The following KMT2A variants were observed in gnomAD, a reference collection of about 807,000 sequenced individuals.
KMT2A encodes the protein lysine methyltransferase 2A.
A neutral mutation model predicts 345.3 loss-of-function variants in KMT2A; 16 were observed. The observed-to-expected ratio is 0.05, with a 90% confidence interval of 0.03 to 0.07. The LOEUF is 0.07. KMT2A is among the 10% of genes least tolerant of loss of function. KMT2A has a pLI of 1.00. For synonymous variants in KMT2A, 1,599 were observed against 1,778.6 expected (o/e 0.90, Z 2.54); for missense variants, 3,272 against 4,841.6 (o/e 0.68, Z 9.62).
intron 7 of KMT2A, 123 bp from the exon 8 acceptor site, chr11:118,482,299 G>T (rs959542549): frequency 1.4e-4 from 121 of 882,798 alleles, no homozygotes; most frequent in Non-Finnish European, 1.8e-4. Context: ...TTAATTTCCT[G>T]TTCGAAGCCT....
intron 28 of KMT2A, 41 bp from the exon 29 acceptor site, chr11:118,509,095 G>T (rs1281551517): frequency 6.4e-7 from 1 of 1,567,066 alleles, no homozygotes; most frequent in African/African-American, 1.4e-5. Flanking sequence ...TTGAATTGAA[G>T]AACTAGCTGA....
chr11:118,522,320 C>T lies in KMT2A; in HGVS notation c.*148C>T. On this transcript the variant is annotated 3_prime_UTR_variant, in exon 36 of 36. Coordinates refer to ENST00000534358, the MANE Select transcript of KMT2A (RefSeq NM_001197104.2). The surrounding 1 kb of genome is among the most constrained non-coding windows in gnomAD (Gnocchi z 5.4). ...TGGCTGAGCTCTCTTATGTCCTATA[C>T]TCACATCAGACATGTGATCATAGTC... 1 of 683,998 alleles carries T rather than the reference C, an allele frequency of 1.5e-6. No homozygotes were observed. The highest frequency in any genetic ancestry group is 1.9e-5 in the South Asian group (1 of 52,848). The allele number at this position is 683,998 out of a possible 1,614,324, so 42.4% of individuals were successfully genotyped here.
At chr11:118,519,352 C>T in intron 31 of KMT2A, 1 of 378,580 alleles carries the variant, frequency 2.6e-6, no homozygotes, top group Non-Finnish European at 4.9e-6. Context: ...TAGCATATAG[C>T]ATTTCTGTGT....
intron 32 of KMT2A, 42 bp downstream of exon 32, chr11:118,519,834 T>A (rs1555052919): frequency 6.3e-7 from 1 of 1,598,360 alleles, no homozygotes; most frequent in Non-Finnish European, 8.6e-7. Context: ...GGGTCTCGAT[T>A]TTCTTATCTC....
Position 118,522,145 on chromosome 11 carries a change from C to T in KMT2A, c.11892C>T (p.Ala3964=), listed in dbSNP as rs1555053776. ...ACAAGCTGCCCTGCAACTGTGGCGCCAAGAAATGCCGGAAGTTCCTAAACT... is the reference window on the plus strand; with the variant it reads ...ACAAGCTGCCCTGCAACTGTGGCGCTAAGAAATGCCGGAAGTTCCTAAACT... ...ASNKLPCNCG[A]KKCRKFLN Residue 3964 remains alanine (A), a synonymous_variant, in exon 36 of 36, where the codon GCC becomes GCT. Transcript: ENST00000534358. This position sits in a 1 kb window ranked among gnomAD's most constrained non-coding sequence, Gnocchi z 5.4. 6.2e-7 allele frequency: 1 copy of T among 1,614,100 alleles called. No homozygotes were observed. The highest frequency in any genetic ancestry group is 2.2e-5 in the East Asian group (1 of 44,882).
intron 1 of KMT2A, among the ~76,000 whole-genome samples, chr11:118,452,063 C>T (rs747019062): frequency 2.8e-4 from 43 of 152,068 alleles, no homozygotes; most frequent in Non-Finnish European, 5.7e-4. Context: ...CGAGGTCTCA[C>T]TATGTTACCT....
At chr11:118,501,262 A>G in intron 25 of KMT2A, 115 bp downstream of exon 25, 2 of 909,098 alleles carry the variant, frequency 2.2e-6, no homozygotes, top group Non-Finnish European at 3.4e-6. Flanking sequence ...GTTCAAGAAC[A>G]GCCTGGCCAA....
chr11:118,447,177 T>TA (rs1311585383), intron 1 of KMT2A, among the ~76,000 whole-genome samples: 2 of 152,222 alleles, frequency 1.3e-5, no homozygotes, highest in African/African-American at 4.8e-5. Flanking sequence ...ATGTTATCCT[T>TA]AAAAAATTTA....
rs782784769 is a variant in KMT2A at position 118,480,153 on chromosome 11, G to A, written c.3570-21G>A. 3 of 1,595,248 alleles carry A rather than the reference G, an allele frequency of 1.9e-6. No individual in the cohort carries two copies. In the East Asian group the frequency reaches 6.7e-5, roughly 36 times the overall value. The stretch of plus-strand genomic sequence containing the variant: ...TCTTCTAAATTTAATTTGTTTCATG[G>A]TTTATTCGTTGTTTTCCTAGGATGA... On this transcript the variant is annotated intron_variant, in intron 5 of 35. Transcript: ENST00000534358.
Position 118,474,122 on chromosome 11 carries a change from C to T in KMT2A, c.2963C>T (p.Thr988Ile). 6.2e-7 allele frequency: 1 copy of T among 1,614,192 alleles called. No homozygotes were observed. Among genetic ancestry groups the T allele is most frequent in the South Asian group, 1.1e-5 (1 of 91,088 alleles). Residue 988 changes from threonine to isoleucine, a missense_variant, in exon 3 of 36, where the codon ACC (threonine) becomes ATC (isoleucine). Thr to Ile is a moderately conservative substitution (Grantham distance 89). Transcript: ENST00000534358. ...PTAPSLEKEKTLCLSTPSSST... is the reference protein window; with the variant it reads ...PTAPSLEKEKILCLSTPSSST... ...GCCCCATCCCTGGAGAAGGAGAAAA[C>T]CCTCTGCCTTTCCACTCCTTCATCT... is the stretch of plus-strand genomic sequence containing the variant.
At position 118,526,774 on chromosome 11, in the gene KMT2A, G is replaced by A; in HGVS notation, c.*4602G>A. On this transcript the variant is annotated 3_prime_UTR_variant, in exon 36 of 36. Coordinates refer to ENST00000534358, the MANE Select transcript of KMT2A (RefSeq NM_001197104.2). ...GTTTTTAAACATGTTTATTTTCTAT[G>A]CACTTTTTTTTATTTAAGTGATAGT... The A allele has an allele frequency of 4.4e-6, 1 of 225,696 alleles. No individual in the cohort carries two copies. The highest frequency in any genetic ancestry group is 6.5e-5 in the East Asian group (1 of 15,300). 14.0% of individuals were successfully genotyped at this position (225,696 alleles called of 1,614,324 possible).
At chr11:118,463,129 T>A (rs1388856525) in intron 1 of KMT2A, among the ~76,000 whole-genome samples, 5 of 152,170 alleles carry the variant, frequency 3.3e-5, no homozygotes, top group South Asian at 2.1e-4. Context: ...TCTTTATTTT[T>A]TTTTTTTAAA....
chr11:118,491,979 C>A lies in KMT2A; in HGVS notation c.5004+51C>A. On this transcript the variant is annotated intron_variant, in intron 15 of 35. Coordinates refer to ENST00000534358, the MANE Select transcript of KMT2A (RefSeq NM_001197104.2). This position sits in a 1 kb window ranked among gnomAD's most constrained non-coding sequence, Gnocchi z 4.2. Reference sequence around the variant, plus strand: ...AGAGCTTGTTCTTAGGTAGTCTTTACCTAGTGTTTTTCTTTTGTTTTACTT... The same window carrying A: ...AGAGCTTGTTCTTAGGTAGTCTTTAACTAGTGTTTTTCTTTTGTTTTACTT... The A allele has an allele frequency of 7.6e-7, 1 of 1,311,720 alleles. No individual in the cohort carries two copies. The highest frequency in any genetic ancestry group is 1.1e-6 in the Non-Finnish European group (1 of 939,612). The allele number at this position is 1,311,720 out of a possible 1,614,324, so 81.3% of individuals were successfully genotyped here.
At chr11:118,481,379 A>T (rs986122237) in intron 6 of KMT2A, among the ~76,000 whole-genome samples, 1 of 152,104 alleles carries the variant, frequency 6.6e-6, no homozygotes, top group Non-Finnish European at 1.5e-5. Flanking sequence ...GGCTTATTTC[A>T]CTTAACATAA....
intron 4 of KMT2A, among the ~76,000 whole-genome samples, chr11:118,477,380 G>T (rs1420175593): frequency 6.6e-6 from 1 of 151,536 alleles, no homozygotes; most frequent in Non-Finnish European, 1.5e-5. Flanking sequence ...TAGCCACTCA[G>T]AACAAATTTA....
intron 4 of KMT2A, 50 bp from the exon 5 acceptor site, chr11:118,477,917 A>G: frequency 1.5e-6 from 2 of 1,325,716 alleles, no homozygotes; most frequent in East Asian, 2.3e-5. Flanking sequence ...AATTAAAACC[A>G]GGTTTGAATT....
intron 1 of KMT2A, among the ~76,000 whole-genome samples, chr11:118,456,636 C>T (rs555750078): frequency 7.9e-5 from 12 of 152,302 alleles, no homozygotes; most frequent in Admixed American, 2.6e-4. Context: ...CCGCGCCTGG[C>T]ATGCCTATAT....
At chr11:118,514,318 C>T (rs1395207261) in intron 31 of KMT2A, among the ~76,000 whole-genome samples, 6 of 152,204 alleles carry the variant, frequency 3.9e-5, no homozygotes, top group African/African-American at 1.4e-4. Flanking sequence ...CCTTACATGG[C>T]GAGGTCCTCT....
Position 118,503,404 on chromosome 11 carries a change from A to G in KMT2A, c.7512A>G (p.Pro2504=), listed in dbSNP as rs1208912083. The stretch of plus-strand genomic sequence containing the variant: ...CTATGCCAGGAGTCCCCAAAGCTCC[A>G]CCCATGCAAGTAGAAGGATCTGCCA... ...GLSMPGVPKA[P]PMQVEGSAKE... The change falls in exon 27 of 36, where the codon CCA becomes CCG. Residue 2504 remains proline, a synonymous_variant. Coordinates refer to ENST00000534358, the MANE Select transcript of KMT2A (RefSeq NM_001197104.2). This position sits in a 1 kb window ranked among gnomAD's most constrained non-coding sequence, Gnocchi z 5.3. 3.1e-6 allele frequency: 5 copies of G among 1,614,124 alleles called. No individual in the cohort carries two copies. Among genetic ancestry groups the G allele is most frequent in the Non-Finnish European group, 3.4e-6 (4 of 1,179,996 alleles).
Sources: allele counts gnomAD v4.1 joint callset (sites outside exome capture counted in the v4.1 genomes callset), GRCh38; gene constraint gnomAD v4.1.1; non-coding constraint Gnocchi (gnomAD v3.1); transcripts MANE v1.5; gene names NCBI Gene and HGNC (gene_info 2026-07-23, HGNC 2026-07-21).